Variants in PDE4D observed in about 807,000 individuals in gnomAD.
PDE4D encodes the protein phosphodiesterase 4D.
In PDE4D, 24 loss-of-function variants were observed where a neutral mutation model predicts 87.4. The ratio of observed to expected loss-of-function variants is 0.27; its 90% confidence interval spans 0.20 to 0.39. PDE4D has a LOEUF of 0.39. PDE4D is among the 10% of genes least tolerant of loss of function. PDE4D has a pLI of 1.00. For missense variants in PDE4D, 714 were observed against 1,041.0 expected (o/e 0.69, Z 4.32); for synonymous variants, 384 against 383.2 (o/e 1.00, Z -0.02).
chr5:59,852,358 G>T (rs1206032299), intron 1 of PDE4D, among the ~76,000 whole-genome samples: 1 of 152,070 alleles, frequency 6.6e-6, no homozygotes, highest in Non-Finnish European at 1.5e-5. Context: ...TATCATAAAA[G>T]ACATTGCAGC....
chr5:60,342,936 G>A (rs1583474974), intron 1 of PDE4D, among the ~76,000 whole-genome samples: 2 of 152,050 alleles, frequency 1.3e-5, no homozygotes, highest in South Asian at 4.1e-4. Context: ...TTCCTGGTGG[G>A]CCTATTAAGG....
At chr5:60,047,232 A>G (rs1582361141) in intron 2 of PDE4D, among the ~76,000 whole-genome samples, 1 of 151,938 alleles carries the variant, frequency 6.6e-6, no homozygotes, top group Admixed American at 6.5e-5. Flanking sequence ...ATCATTTTTT[A>G]TTGCGTCTAT....
rs185216466 is a variant in PDE4D at position 58,998,661 on chromosome 5, G to A, written c.922-5196C>T. On this transcript the variant is annotated intron_variant, in intron 6 of 14. Transcript: ENST00000340635. ...TCAAAAAGAAAGAAACAAAGCAAAC[G>A]ACAAACACTCCAATCTGAAAAATCC... Among the ~76,000 whole-genome samples, 107 of 152,084 alleles carry A rather than the reference G, an allele frequency of 7.0e-4. 1 individual carries two copies. The East Asian group carries it at 0.019, about 27-fold the overall frequency.
chr5:60,468,616 G>GC (rs1554040709), intron 1 of PDE4D, among the ~76,000 whole-genome samples: 10 of 146,784 alleles, frequency 6.8e-5, no homozygotes, highest in African/African-American at 2.5e-4. Context: ...CTTGCCTTCA[G>GC]TTTTTTTTTT....
chr5:60,512,775 G>C (rs537319475), intron 1 of PDE4D, among the ~76,000 whole-genome samples: 6 of 152,128 alleles, frequency 3.9e-5, no homozygotes, highest in Non-Finnish European at 8.8e-5. Flanking sequence ...AGCACTGCAG[G>C]TACTCTTCAG....
At chr5:59,997,731 C>T (rs1763642937) in intron 2 of PDE4D, among the ~76,000 whole-genome samples, 1 of 152,080 alleles carries the variant, frequency 6.6e-6, no homozygotes, top group African/African-American at 2.4e-5. Flanking sequence ...TTATATTTAA[C>T]ATTATAGCTA....
chr5:59,561,040 A>G (rs935222081), intron 1 of PDE4D: 3 of 152,220 alleles, frequency 2.0e-5, no homozygotes, highest in African/African-American at 7.2e-5. Flanking sequence ...TCTTCTTCCA[A>G]CCCCACAGGA....
At chr5:60,164,323 C>G (rs1002685492) in intron 2 of PDE4D, among the ~76,000 whole-genome samples, 13 of 152,100 alleles carry the variant, frequency 8.5e-5, no homozygotes, top group Non-Finnish European at 1.9e-4. Context: ...TTCAAAGGCA[C>G]TGGTCAACAA....
intron 1 of PDE4D, among the ~76,000 whole-genome samples, chr5:59,290,886 T>C (rs967998400): frequency 6.6e-6 from 1 of 152,060 alleles, no homozygotes; most frequent in African/African-American, 2.4e-5. Context: ...TGAGATGTCA[T>C]CTCACTCCAG....
intron 5 of PDE4D, among the ~76,000 whole-genome samples, chr5:59,074,877 C>T (rs1765422080): frequency 6.6e-6 from 1 of 152,152 alleles, no homozygotes; most frequent in Non-Finnish European, 1.5e-5. Context: ...GACTTCCACA[C>T]AATGTTCTGA....
At chr5:59,053,200 A>T (rs528036894) in intron 5 of PDE4D, among the ~76,000 whole-genome samples, 10 of 152,278 alleles carry the variant, frequency 6.6e-5, no homozygotes, top group African/African-American at 2.2e-4. Context: ...AGCATATATT[A>T]TTCCACAGCA....
At position 58,973,283 on chromosome 5, in the gene PDE4D, ACTAC is replaced by A. The variant is rs1165586113; in HGVS notation, c.*1377_*1380del. ...TGAAATGAATGTTAACCCTAACTTAACTACCTGTTTCTTTTCACCGGTGACAATG... is the reference window on the plus strand; with the variant it reads ...TGAAATGAATGTTAACCCTAACTTAACTGTTTCTTTTCACCGGTGACAATG... On this transcript the variant is annotated 3_prime_UTR_variant, in exon 15 of 15. Coordinates refer to ENST00000340635, the MANE Select transcript of PDE4D (RefSeq NM_001104631.2). The A allele has an allele frequency of 1.3e-5, 2 of 152,238 alleles. No homozygotes were observed. Among genetic ancestry groups the A allele is most frequent in the African/African-American group, 2.4e-5 (1 of 41,464 alleles). 9.4% of individuals were successfully genotyped at this position (152,238 alleles called of 1,614,324 possible).
intron 2 of PDE4D, among the ~76,000 whole-genome samples, chr5:60,061,549 A>G (rs559768890): frequency 1.3e-5 from 2 of 151,714 alleles, no homozygotes; most frequent in South Asian, 2.1e-4. Context: ...TCAAACTACC[A>G]TTGACTTTCT....
chr5:59,850,013 G>A (rs1744436585), intron 1 of PDE4D, among the ~76,000 whole-genome samples: 1 of 151,976 alleles, frequency 6.6e-6, no homozygotes, highest in African/African-American at 2.4e-5. Flanking sequence ...GAAGAGGGGG[G>A]CAAAATATAA....
chr5:60,233,343 T>G (rs1467540890), intron 1 of PDE4D, among the ~76,000 whole-genome samples: 3 of 151,826 alleles, frequency 2.0e-5, no homozygotes, highest in Non-Finnish European at 4.4e-5. Flanking sequence ...ATGTTAAAAC[T>G]TGAATGGTTA....
chr5:59,543,352 C>T (rs1446341027), intron 1 of PDE4D, among the ~76,000 whole-genome samples: 1 of 152,100 alleles, frequency 6.6e-6, no homozygotes, highest in Non-Finnish European at 1.5e-5. Context: ...GACTCAAATA[C>T]TTGCTTGAAT....
chr5:59,221,921 G>A (rs1752658561), intron 1 of PDE4D, among the ~76,000 whole-genome samples: 1 of 152,152 alleles, frequency 6.6e-6, no homozygotes, highest in Non-Finnish European at 1.5e-5. Flanking sequence ...TTGCCAGAAG[G>A]CAGTTTTGGA....
intron 1 of PDE4D, among the ~76,000 whole-genome samples, chr5:59,508,467 C>T (rs1467088810): frequency 2.0e-5 from 3 of 151,950 alleles, no homozygotes. Context: ...TAAGCAAATC[C>T]TCTTTCGAAA....
At chr5:60,103,294 T>G (rs2149335971) in intron 2 of PDE4D, among the ~76,000 whole-genome samples, 1 of 152,208 alleles carries the variant, frequency 6.6e-6, no homozygotes. Context: ...TCTCTGCTTT[T>G]GGGTGGACAT....
Sources: gnomAD v4.1 joint callset for allele counts (sites outside exome capture counted in the v4.1 genomes callset) on GRCh38, gnomAD v4.1.1 for gene constraint, MANE v1.5 for transcripts, NCBI Gene and HGNC (gene_info 2026-07-23, HGNC 2026-07-21) for gene names.